The following BPNT2 variants were observed in gnomAD, a reference collection of about 807,000 sequenced individuals.
BPNT2 encodes Golgi-resident adenosine 3',5'-bisphosphate 3'-phosphatase.
A neutral mutation model predicts 29.3 loss-of-function variants in BPNT2; 11 were observed. That is an observed-to-expected ratio of 0.38 (90% CI 0.24 to 0.62). The LOEUF is 0.62. Among genes scored for constraint, BPNT2 ranks in the 20% least tolerant of loss-of-function variants. BPNT2 has a pLI of 0.62. For missense variants in BPNT2, 459 were observed against 473.4 expected (o/e 0.97, Z 0.28); for synonymous variants, 195 against 187.7 (o/e 1.04, Z -0.32).
chr8:56,962,205 A>C lies in BPNT2; in HGVS notation c.*1588T>G, dbSNP rs1043483486. ...GCCCAACACCTTCTCGAATTTGACCAGTTGCAAGAGATTGGGTGAAAACAT... is the reference window on the plus strand; with the variant it reads ...GCCCAACACCTTCTCGAATTTGACCCGTTGCAAGAGATTGGGTGAAAACAT... On this transcript the variant is annotated 3_prime_UTR_variant, in exon 5 of 5. Coordinates refer to ENST00000262644, the MANE Select transcript of BPNT2 (RefSeq NM_017813.5). 11 of 152,214 alleles carry C rather than the reference A, an allele frequency of 7.2e-5. No homozygotes were observed. The highest frequency in any genetic ancestry group is 5.9e-4 in the Admixed American group (9 of 15,280). 9.4% of individuals were successfully genotyped at this position (152,214 alleles called of 1,614,324 possible).
At chr8:56,967,273 A>G (rs1357109512) in intron 3 of BPNT2, 2 of 456,110 alleles carry the variant, frequency 4.4e-6, no homozygotes, top group Non-Finnish European at 8.8e-6. Flanking sequence ...GAGTTCCCCA[A>G]GAATGATGGC....
chr8:56,979,731 C>T (rs994926915), intron 2 of BPNT2, among the ~76,000 whole-genome samples: 2 of 152,146 alleles, frequency 1.3e-5, no homozygotes, highest in Non-Finnish European at 2.9e-5. Flanking sequence ...ACTGGAGGGA[C>T]AGTAGTTCTG....
Position 56,993,181 on chromosome 8 carries a change from C to T in BPNT2, c.387+18G>A, listed in dbSNP as rs762179553. 3.1e-6 allele frequency: 5 copies of T among 1,589,234 alleles called. No individual in the cohort carries two copies. Among genetic ancestry groups the T allele is most frequent in the Non-Finnish European group, 4.3e-6 (5 of 1,174,952 alleles). ...GCGCTACCCGGCTCGAGTGGGCGCT[C>T]CGCCCGTGGGCTCCCACCTGGACGC... On this transcript the variant is annotated intron_variant, in intron 1 of 4. Coordinates refer to ENST00000262644, the MANE Select transcript of BPNT2 (RefSeq NM_017813.5).
In BPNT2 at chr8:56,963,624, T is replaced by C; in HGVS notation, c.*169A>G. 1 of 673,792 alleles carries C rather than the reference T, an allele frequency of 1.5e-6. No homozygotes were observed. Among genetic ancestry groups the C allele is most frequent in the Non-Finnish European group, 2.5e-6 (1 of 397,820 alleles). The allele number at this position is 673,792 out of a possible 1,614,324, so 41.7% of individuals were successfully genotyped here. ...GAGACACAAAGCAACCCATTTTCCC[T>C]GATTTTGCATTCTATTACAGGGAAA... On this transcript the variant is annotated 3_prime_UTR_variant, in exon 5 of 5. Coordinates refer to ENST00000262644, the MANE Select transcript of BPNT2 (RefSeq NM_017813.5).
In BPNT2 at chr8:56,964,906, G is replaced by A. The variant is rs1805914500; in HGVS notation, c.809-842C>T. The stretch of plus-strand genomic sequence containing the variant: ...AGAACCTAGTCATCTCATCCCTGCT[G>A]GGTATTCTGGACATTACTTTTCCTA... On this transcript the variant is annotated intron_variant, in intron 4 of 4. Coordinates refer to ENST00000262644, the MANE Select transcript of BPNT2 (RefSeq NM_017813.5). Among the ~76,000 whole-genome samples the A allele has an allele frequency of 2.0e-5, 3 of 152,284 alleles. No individual in the cohort carries two copies. In the South Asian group the frequency reaches 6.2e-4, roughly 32 times the overall value.
rs952943129 is a variant in BPNT2 at position 56,969,593 on chromosome 8, A to C, written c.647-3241T>G. ...AGTCGAAAAGTAAACATCAAAAAAAAACAACTGTCTAAAATGAAATGATGG... is the reference window on the plus strand; with the variant it reads ...AGTCGAAAAGTAAACATCAAAAAAACACAACTGTCTAAAATGAAATGATGG... On this transcript the variant is annotated intron_variant, in intron 3 of 4. Coordinates refer to ENST00000262644, the MANE Select transcript of BPNT2 (RefSeq NM_017813.5). 2.0e-5 allele frequency among the ~76,000 whole-genome samples: 3 copies of C among 152,212 alleles called. 1 individual carries two copies. The highest frequency in any genetic ancestry group is 3.8e-4 in the East Asian group (2 of 5,204).
At position 56,993,597 on chromosome 8, in the gene BPNT2, C is replaced by A; in HGVS notation, c.-12G>T. On this transcript the variant is annotated 5_prime_UTR_variant, in exon 1 of 5. Transcript: ENST00000262644. ...CCCATGGGGGCCATGGCGTGGGAAG[C>A]CGGGCGCTCCGGGCTGCGGCTCTCA... 7.1e-7 allele frequency: 1 copy of A among 1,414,710 alleles called. No homozygotes were observed. Among genetic ancestry groups the A allele is most frequent in the Non-Finnish European group, 9.3e-7 (1 of 1,079,076 alleles). The allele number at this position is 1,414,710 out of a possible 1,614,324, so 87.6% of individuals were successfully genotyped here. A position where few individuals can be genotyped will look rare whatever the true frequency, so the allele number is the denominator to read the frequency against.
intron 1 of BPNT2, among the ~76,000 whole-genome samples, chr8:56,990,741 CGTT>C (rs1806404079): frequency 6.6e-6 from 1 of 152,016 alleles, no homozygotes; most frequent in South Asian, 2.1e-4. Context: ...TGTCTTCCGA[CGTT>C]GTCAAATGTC....
At chr8:56,978,440 G>C (rs138080853) in intron 2 of BPNT2, among the ~76,000 whole-genome samples, 2,057 of 152,242 alleles carry the variant, frequency 0.014, 68 homozygotes, top group African/African-American at 0.047. Context: ...CTTATACACT[G>C]TTGGTGGGAG....
At chr8:56,991,976 T>A (rs1211969312) in intron 1 of BPNT2, among the ~76,000 whole-genome samples, 1 of 151,726 alleles carries the variant, frequency 6.6e-6, no homozygotes, top group African/African-American at 2.4e-5. Context: ...AAAAAAAAAA[T>A]TCTAACGTTA....
chr8:56,990,639 G>T lies in BPNT2; in HGVS notation c.387+2560C>A, dbSNP rs139185120. Reference sequence around the variant, plus strand: ...TGACAAATGGAGCAGATAATTCTTCGTCATAGGGGGCTGTCCTGTGCATTA... The same window carrying T: ...TGACAAATGGAGCAGATAATTCTTCTTCATAGGGGGCTGTCCTGTGCATTA... On this transcript the variant is annotated intron_variant, in intron 1 of 4. Coordinates refer to ENST00000262644, the MANE Select transcript of BPNT2 (RefSeq NM_017813.5). Among the ~76,000 whole-genome samples, 1,153 of 152,158 alleles carry T rather than the reference G, an allele frequency of 7.6e-3. 10 individuals are homozygous for T. Among genetic ancestry groups the T allele is most frequent in the African/African-American group, 0.023 (950 of 41,496 alleles).
intron 2 of BPNT2, among the ~76,000 whole-genome samples, chr8:56,979,440 A>C (rs1306905001): frequency 6.6e-6 from 1 of 152,218 alleles, no homozygotes; most frequent in Non-Finnish European, 1.5e-5. Flanking sequence ...AATTTTAGTT[A>C]CTATTAGATA....
Position 56,993,516 on chromosome 8 carries a change from G to A in BPNT2, c.70C>T (p.Leu24Phe), listed in dbSNP as rs1806455634. 6.7e-7 allele frequency: 1 copy of A among 1,498,830 alleles called. No homozygotes were observed. Among genetic ancestry groups the A allele is most frequent in the Non-Finnish European group, 8.9e-7 (1 of 1,124,278 alleles). 92.8% of individuals were successfully genotyped at this position (1,498,830 alleles called of 1,614,324 possible). A position where few individuals can be genotyped will look rare whatever the true frequency, so the allele number is the denominator to read the frequency against. The stretch of plus-strand genomic sequence containing the variant: ...AAGAAGCCCGAGTAGAGGTGGTAGA[G>A]CACGCCGAGCCCCAGCAGGCAAAAC... ...AVFCLLGLGVLYHLYSGFLAG... is the reference protein window; with the variant it reads ...AVFCLLGLGVFYHLYSGFLAG... The change falls in exon 1 of 5, where the codon CTC (leucine) becomes TTC (phenylalanine). Residue 24 changes from leucine (L) to phenylalanine (F), a missense_variant. Physicochemically the swap from Leu to Phe is conservative, Grantham distance 22. Transcript: ENST00000262644.
chr8:56,991,747 A>T (rs1216604767), intron 1 of BPNT2, among the ~76,000 whole-genome samples: 1 of 152,228 alleles, frequency 6.6e-6, no homozygotes, highest in Non-Finnish European at 1.5e-5. Context: ...GGTTATTATT[A>T]GTACTGTTAT....
At chr8:56,968,909 G>A (rs189811631) in intron 3 of BPNT2, among the ~76,000 whole-genome samples, 3 of 152,210 alleles carry the variant, frequency 2.0e-5, no homozygotes, top group Non-Finnish European at 4.4e-5. Context: ...TGAGGTCATA[G>A]TGGAGTAAGG....
At position 56,961,178 on chromosome 8, in the gene BPNT2, G is replaced by A. The variant is rs1014806444; in HGVS notation, c.*2615C>T. The A allele has an allele frequency of 7.2e-5, 11 of 152,066 alleles. No individual in the cohort carries two copies. The highest frequency in any genetic ancestry group is 2.7e-4 in the African/African-American group (11 of 41,368). The allele number at this position is 152,066 out of a possible 1,614,324, so 9.4% of individuals were successfully genotyped here. A position where few individuals can be genotyped will look rare whatever the true frequency, so the allele number is the denominator to read the frequency against. On this transcript the variant is annotated 3_prime_UTR_variant, in exon 5 of 5. Transcript: ENST00000262644. ...TAAGAAAAATTGCCTCAAAATAAGG[G>A]CAACAGTGAAGAAAAGACCAGGAGC...
intron 3 of BPNT2, among the ~76,000 whole-genome samples, chr8:56,969,708 T>C (rs1000743292): frequency 2.0e-5 from 3 of 151,758 alleles, no homozygotes; most frequent in Non-Finnish European, 4.4e-5. Flanking sequence ...ACTACATGAG[T>C]ATGTAAAGAA....
At position 56,959,012 on chromosome 8, in the gene BPNT2, T is replaced by C. The variant is rs753677809; in HGVS notation, c.*4781A>G. ...TTAAAAACACAGAATGAGCAAGTCA[T>C]TCCTGAACAAAAATTTACTGTGTGT... On this transcript the variant is annotated 3_prime_UTR_variant, in exon 5 of 5. Coordinates refer to ENST00000262644, the MANE Select transcript of BPNT2 (RefSeq NM_017813.5). 1 of 152,248 alleles carries C rather than the reference T, an allele frequency of 6.6e-6. No individual in the cohort carries two copies. Among genetic ancestry groups the C allele is most frequent in the Non-Finnish European group, 1.5e-5 (1 of 68,046 alleles). 9.4% of individuals were successfully genotyped at this position (152,248 alleles called of 1,614,324 possible). A position where few individuals can be genotyped will look rare whatever the true frequency, so the allele number is the denominator to read the frequency against.
intron 1 of BPNT2, among the ~76,000 whole-genome samples, chr8:56,982,412 C>T (rs1303180013): frequency 2.6e-5 from 4 of 152,162 alleles, no homozygotes; most frequent in Admixed American, 1.3e-4. Context: ...TGAGCCACCG[C>T]GCCTGGTAAA....
Sources: gnomAD v4.1 joint callset for allele counts (sites outside exome capture counted in the v4.1 genomes callset) on GRCh38, gnomAD v4.1.1 for gene constraint, MANE v1.5 for transcripts, NCBI Gene and HGNC (gene_info 2026-07-23, HGNC 2026-07-21) for gene names.